Variants in CNOT2 observed in about 807,000 individuals in gnomAD.
CNOT2 encodes the protein CC chemokine receptor 4-negative regulator of transcription 2.
Under a neutral mutation model 72.1 loss-of-function variants are expected in CNOT2, and 7 were observed. That is an observed-to-expected ratio of 0.10 (90% CI 0.06 to 0.18). The LOEUF (loss-of-function observed/expected upper bound fraction) is 0.18, where lower values mean the gene tolerates loss of function less well. Ranked by LOEUF, CNOT2 falls within the 10% of genes least tolerant of loss-of-function variation. The probability of loss-of-function intolerance (pLI) is 1.00; values close to 1 mark genes in which losing one functional copy is unlikely to be tolerated. For synonymous variants in CNOT2, 196 were observed against 225.6 expected, an observed-to-expected ratio of 0.87 and a Z score of 1.17; for missense variants, 345 against 660.3, an observed-to-expected ratio of 0.52 and a Z score of 5.23.
At chr12:70,295,474 A>T (rs528711793) in intron 2 of CNOT2, among the ~76,000 whole-genome samples, 7 of 151,970 alleles carry the variant, frequency 4.6e-5, no homozygotes, top group African/African-American at 1.4e-4. Flanking sequence ...CTCCCTCTTT[A>T]TCAGACCCAT....
chr12:70,308,838 G>T (rs564615825), intron 2 of CNOT2, among the ~76,000 whole-genome samples: 1 of 152,116 alleles, frequency 6.6e-6, no homozygotes, highest in Admixed American at 6.5e-5. Flanking sequence ...ATCAATTTGA[G>T]CTTATTTATG....
intron 15 of CNOT2, among the ~76,000 whole-genome samples, chr12:70,349,316 A>G (rs931503187): frequency 6.6e-6 from 1 of 152,172 alleles, no homozygotes; most frequent in African/African-American, 2.4e-5. Context: ...GTCATGTCAC[A>G]AGTTGAGTCC....
intron 1 of CNOT2, among the ~76,000 whole-genome samples, chr12:70,272,882 T>G (rs2135784493): frequency 6.6e-6 from 1 of 152,328 alleles, no homozygotes; most frequent in South Asian, 2.1e-4. Flanking sequence ...GAATGAGAAC[T>G]TCCATAGCTT....
At chr12:70,243,268 C>T (rs1487899770), upstream of CNOT2, 1 of 152,784 alleles carries the variant, frequency 6.5e-6, no homozygotes, top group East Asian at 1.9e-4. Context: ...AAGCGCCTCT[C>T]TCCACCTTGT....
chr12:70,287,643 G>A (rs1251178827), intron 2 of CNOT2, among the ~76,000 whole-genome samples: 1 of 149,914 alleles, frequency 6.7e-6, no homozygotes, highest in Non-Finnish European at 1.5e-5. Flanking sequence ...TACATCTTAT[G>A]TATCCATATA....
intron 11 of CNOT2, 109 bp downstream of exon 11, chr12:70,338,931 G>T (rs2136055343): frequency 1.1e-6 from 1 of 875,772 alleles, no homozygotes; most frequent in Non-Finnish European, 1.8e-6. Flanking sequence ...TTGTTAACCT[G>T]CTGATTCTCT....
At chr12:70,277,188 A>T (rs1868976843) in intron 1 of CNOT2, among the ~76,000 whole-genome samples, 1 of 152,110 alleles carries the variant, frequency 6.6e-6, no homozygotes, top group Admixed American at 6.6e-5. Context: ...TATGCATACT[A>T]CTTCCTTAGG....
At chr12:70,305,488 A>T (rs921227575) in intron 2 of CNOT2, among the ~76,000 whole-genome samples, 1 of 152,200 alleles carries the variant, frequency 6.6e-6, no homozygotes, top group Non-Finnish European at 1.5e-5. Flanking sequence ...GACCGTAGAG[A>T]TGAAAAGATA....
intron 2 of CNOT2, among the ~76,000 whole-genome samples, chr12:70,308,559 C>T (rs75026320): frequency 1.8e-3 from 138 of 78,170 alleles, no homozygotes; most frequent in East Asian, 0.01. Context: ...TATATTTTCT[C>T]TCTCTCTCTC....
intron 2 of CNOT2, chr12:70,307,992 C>T (rs979829678): frequency 6.6e-6 from 1 of 152,068 alleles, no homozygotes; most frequent in African/African-American, 2.4e-5. Flanking sequence ...TCCAAAGTCT[C>T]TCAGGCTCTC....
chr12:70,259,737 G>A (rs1157672101), intron 1 of CNOT2, among the ~76,000 whole-genome samples: 6 of 152,166 alleles, frequency 3.9e-5, no homozygotes, highest in Non-Finnish European at 8.8e-5. Context: ...TGCCTGAAAC[G>A]TTTGTTGAAT....
chr12:70,287,055 TG>T (rs1353885400), intron 2 of CNOT2, among the ~76,000 whole-genome samples: 1 of 152,046 alleles, frequency 6.6e-6, no homozygotes, highest in Non-Finnish European at 1.5e-5. Flanking sequence ...GTAGGCTTTT[TG>T]GGGGGTTCAT....
intron 1 of CNOT2, among the ~76,000 whole-genome samples, chr12:70,253,873 C>A (rs1958277967): frequency 6.6e-6 from 1 of 152,070 alleles, no homozygotes; most frequent in Admixed American, 6.5e-5. Context: ...TACTGTTCCC[C>A]CCTATACATA....
chr12:70,249,571 C>A (rs1593021121), intron 1 of CNOT2, among the ~76,000 whole-genome samples: 1 of 151,756 alleles, frequency 6.6e-6, no homozygotes, highest in Non-Finnish European at 1.5e-5. Context: ...TTTATTAAAT[C>A]AAATAGATGT....
In CNOT2 at chr12:70,339,091, T is replaced by TATACACAC. The variant is rs371015394; in HGVS notation, c.1178+270_1178+271insTACACACA. Among the ~76,000 whole-genome samples the TATACACAC allele has an allele frequency of 5.8e-5, 8 of 138,314 alleles. 1 individual carries two copies. Among genetic ancestry groups the TATACACAC allele is most frequent in the African/African-American group, 2.2e-4 (8 of 35,950 alleles). 90.7% of individuals were successfully genotyped at this position (138,314 alleles called of 152,430 possible). Reference sequence around the variant, plus strand: ...ATGTGTGTGTGTATATATATATATATACACACACACACACACACACACCTT... The same window carrying TATACACAC: ...ATGTGTGTGTGTATATATATATATATATACACACACACACACACACACACACACACCTT... On this transcript the variant is annotated intron_variant, in intron 11 of 15. Transcript: ENST00000229195.
intron 2 of CNOT2, among the ~76,000 whole-genome samples, chr12:70,281,385 G>A (rs898673927): frequency 1.3e-5 from 2 of 152,092 alleles, no homozygotes; most frequent in African/African-American, 4.8e-5. Flanking sequence ...TGCCCGATCC[G>A]GCTTTCCCTT....
chr12:70,304,415 C>T (rs529364942), intron 2 of CNOT2, among the ~76,000 whole-genome samples: 3 of 152,324 alleles, frequency 2.0e-5, no homozygotes, highest in Admixed American at 6.5e-5. Flanking sequence ...AGTTTTCCTT[C>T]TAACAGCCAG....
chr12:70,342,512 A>G, intron 13 of CNOT2: 2 of 569,842 alleles, frequency 3.5e-6, no homozygotes, highest in South Asian at 5.5e-5. Context: ...GGTTACAACC[A>G]TAACCGCAGT....
rs75408807 is a variant in CNOT2 at position 70,320,221 on chromosome 12, T to A, written c.238+857T>A. ...GATAATTGAATAACTGAAGAAGACA[T>A]CTGATGACTATCCTAACCAGTTTCA... On this transcript the variant is annotated intron_variant, in intron 4 of 15. Transcript: ENST00000229195. 2.6e-5 allele frequency among the ~76,000 whole-genome samples: 4 copies of A among 151,570 alleles called. No homozygotes were observed. The East Asian group carries it at 7.7e-4, about 29-fold the overall frequency.
Sources: gnomAD v4.1 joint callset for allele counts (sites outside exome capture counted in the v4.1 genomes callset) on GRCh38, gnomAD v4.1.1 for gene constraint, MANE v1.5 for transcripts, NCBI Gene and HGNC (gene_info 2026-07-23, HGNC 2026-07-21) for gene names.